Variants in ANKMY2 observed in about 807,000 individuals in gnomAD.
ANKMY2 encodes the protein ankyrin repeat and MYND domain containing 2, also known as ankyrin repeat and MYND domain-containing protein 2.
In ANKMY2, 36 loss-of-function variants were observed where a neutral mutation model predicts 50.4. That is an observed-to-expected ratio of 0.71 (90% CI 0.55 to 0.94). The LOEUF (loss-of-function observed/expected upper bound fraction) is 0.94, where lower values mean the gene tolerates loss of function less well. ANKMY2 is among the 40% of genes least tolerant of loss of function. The pLI is 0.00. For missense variants in ANKMY2, 565 were observed against 524.0 expected (o/e 1.08, Z -0.76); for synonymous variants, 187 against 178.8 (o/e 1.05, Z -0.36).
chr7:16,625,654 T>C (rs1252730786), intron 3 of ANKMY2, among the ~76,000 whole-genome samples: 3 of 152,234 alleles, frequency 2.0e-5, no homozygotes, highest in Non-Finnish European at 4.4e-5. Context: ...GTTTGAATTA[T>C]GATTTCCTTA....
chr7:16,639,028 C>G (rs1358548054), intron 1 of ANKMY2, among the ~76,000 whole-genome samples: 1 of 152,154 alleles, frequency 6.6e-6, no homozygotes, highest in Non-Finnish European at 1.5e-5. Context: ...TAATCTGAAA[C>G]AGATTGGGCT....
chr7:16,641,679 T>A (rs1271731721), intron 1 of ANKMY2, among the ~76,000 whole-genome samples: 1 of 152,128 alleles, frequency 6.6e-6, no homozygotes, highest in East Asian at 1.9e-4. Flanking sequence ...GCACAAATAG[T>A]AGTATATCCT....
chr7:16,625,169 C>T, intron 3 of ANKMY2, 88 bp from the exon 4 acceptor site: 4 of 969,554 alleles, frequency 4.1e-6, no homozygotes, highest in Non-Finnish European at 6.2e-6. Flanking sequence ...CCTTTATTCC[C>T]CCAGTTAGTT....
intron 5 of ANKMY2, among the ~76,000 whole-genome samples, chr7:16,611,243 T>C (rs963778169): frequency 6.6e-5 from 10 of 152,208 alleles, no homozygotes; most frequent in Admixed American, 2.0e-4. Flanking sequence ...CAGAATGAAG[T>C]CTAAAAATGA....
intron 4 of ANKMY2, among the ~76,000 whole-genome samples, chr7:16,616,348 C>A (rs1446851068): frequency 1.3e-5 from 2 of 152,084 alleles, no homozygotes; most frequent in African/African-American, 4.8e-5. Context: ...TAATATTAAA[C>A]TAAACCCCCT....
chr7:16,636,611 A>G (rs1217114366), intron 1 of ANKMY2, among the ~76,000 whole-genome samples, 156 bp from the exon 2 acceptor site: 1 of 152,156 alleles, frequency 6.6e-6, no homozygotes. Flanking sequence ...CATACTATTT[A>G]TTTTACAAAG....
chr7:16,633,012 C>A (rs988833284), intron 2 of ANKMY2, among the ~76,000 whole-genome samples: 1 of 152,070 alleles, frequency 6.6e-6, no homozygotes, highest in African/African-American at 2.4e-5. Context: ...TGATGTTGAG[C>A]CTTTTTTCAT....
At chr7:16,622,894 A>G (rs1339155653) in intron 4 of ANKMY2, among the ~76,000 whole-genome samples, 1 of 152,252 alleles carries the variant, frequency 6.6e-6, no homozygotes, top group African/African-American at 2.4e-5. Flanking sequence ...AACTTGTAAA[A>G]CATAGAAAAT....
chr7:16,642,705 AC>A (rs1273450757), intron 1 of ANKMY2, among the ~76,000 whole-genome samples: 5 of 151,996 alleles, frequency 3.3e-5, no homozygotes, highest in African/African-American at 1.2e-4. Context: ...TCTTTTTGGC[AC>A]AAATATAAAC....
chr7:16,645,426 C>A, intron 1 of ANKMY2, 81 bp downstream of exon 1: 1 of 1,388,668 alleles, frequency 7.2e-7, no homozygotes, highest in Non-Finnish European at 9.7e-7. Context: ...CAAAGGTCAC[C>A]CAGGCCAGGA....
In ANKMY2 at chr7:16,615,711, C is replaced by T. The variant is rs745713964; in HGVS notation, c.531+33G>A. The T allele has an allele frequency of 5.5e-5, 88 of 1,613,060 alleles. 1 individual carries two copies. The Middle Eastern group carries it at 1.8e-3, about 33-fold the overall frequency. On this transcript the variant is annotated intron_variant, in intron 5 of 9. Transcript: ENST00000306999. ...AGTTTAAACTCTGAAGCAATATTTA[C>T]ATAAAAAGCAAATACGGTAGACACC... is the stretch of plus-strand genomic sequence containing the variant.
At chr7:16,636,797 C>A (rs1287824015) in intron 1 of ANKMY2, among the ~76,000 whole-genome samples, 1 of 152,164 alleles carries the variant, frequency 6.6e-6, no homozygotes, top group Admixed American at 6.5e-5. Context: ...TAATCCAAAT[C>A]ACCATCTGAA....
At chr7:16,616,461 T>A (rs1256742416) in intron 4 of ANKMY2, among the ~76,000 whole-genome samples, 1 of 151,922 alleles carries the variant, frequency 6.6e-6, no homozygotes, top group Non-Finnish European at 1.5e-5. Context: ...ACATCGTGGC[T>A]TTGCATAGAA....
intron 1 of ANKMY2, among the ~76,000 whole-genome samples, chr7:16,637,520 G>A (rs756838419): frequency 9.9e-5 from 15 of 152,176 alleles, no homozygotes; most frequent in African/African-American, 1.4e-4. Flanking sequence ...TGATCTACAC[G>A]TCCCTGGAGT....
chr7:16,643,621 T>C (rs1391626878), intron 1 of ANKMY2, among the ~76,000 whole-genome samples: 1 of 151,964 alleles, frequency 6.6e-6, no homozygotes, highest in Non-Finnish European at 1.5e-5. Context: ...TATATAATCT[T>C]CAAAATAAAT....
chr7:16,619,662 T>G (rs1181569970), intron 4 of ANKMY2, among the ~76,000 whole-genome samples: 1 of 152,122 alleles, frequency 6.6e-6, no homozygotes, highest in African/African-American at 2.4e-5. Flanking sequence ...AATATTTTAC[T>G]AGTTTTAAAT....
intron 3 of ANKMY2, among the ~76,000 whole-genome samples, chr7:16,625,643 A>G (rs34106641): frequency 6.6e-6 from 1 of 152,168 alleles, no homozygotes; most frequent in South Asian, 2.1e-4. Context: ...CATTTTCGCA[A>G]GTTTGAATTA....
intron 1 of ANKMY2, among the ~76,000 whole-genome samples, chr7:16,641,257 C>A (rs1368280823): frequency 2.6e-5 from 4 of 151,920 alleles, no homozygotes; most frequent in Non-Finnish European, 5.9e-5. Context: ...CACACACACA[C>A]ACATAGTGGA....
rs1352571313 is a variant in ANKMY2, at chr7:16,615,816, C to T, written c.459G>A (p.Glu153=). 8.1e-6 allele frequency: 13 copies of T among 1,614,182 alleles called. No homozygotes were observed. Among genetic ancestry groups the T allele is most frequent in the Non-Finnish European group, 9.3e-6 (11 of 1,180,042 alleles). ...YYTKPQGLDK[E]PKLPPKLAGP... ...CTGCCAACTTTGGGGGCAGTTTTGG[C>T]TCTTTATCCAGTCCCTGGGGCTTAG... Residue 153 remains glutamate, a synonymous_variant, in exon 5 of 10, where the codon GAG becomes GAA. Transcript: ENST00000306999.
Sources: allele counts gnomAD v4.1 joint callset (sites outside exome capture counted in the v4.1 genomes callset), GRCh38; gene constraint gnomAD v4.1.1; transcripts MANE v1.5; gene names NCBI Gene and HGNC (gene_info 2026-07-23, HGNC 2026-07-21).